Variants in ADGRA3 observed in about 807,000 individuals in gnomAD.
ADGRA3 encodes the protein adhesion G protein-coupled receptor A3.
In ADGRA3, 56 loss-of-function variants were observed where a neutral mutation model predicts 119.8. The observed-to-expected ratio is 0.47, with a 90% CI of 0.38 to 0.58. ADGRA3 has a LOEUF of 0.58. ADGRA3 is among the 20% of genes least tolerant of loss of function. ADGRA3 has a pLI of 0.00. For missense variants in ADGRA3, 1,516 were observed against 1,649.0 expected (o/e 0.92, Z 1.40); for synonymous variants, 607 against 623.8 (o/e 0.97, Z 0.40).
intron 1 of ADGRA3, among the ~76,000 whole-genome samples, chr4:22,506,411 G>C (rs1380255432): frequency 6.6e-6 from 1 of 152,110 alleles, no homozygotes; most frequent in Non-Finnish European, 1.5e-5. Context: ...AACTTAGCCA[G>C]GCATGGTGGT....
chr4:22,449,439 G>A (rs1263644847), intron 4 of ADGRA3, among the ~76,000 whole-genome samples: 1 of 152,110 alleles, frequency 6.6e-6, no homozygotes, highest in Non-Finnish European at 1.5e-5. Context: ...CTAAGACAGG[G>A]TAATGGGTAC....
chr4:22,458,577 G>A (rs1717324545), intron 3 of ADGRA3, among the ~76,000 whole-genome samples: 1 of 152,122 alleles, frequency 6.6e-6, no homozygotes, highest in African/African-American at 2.4e-5. Flanking sequence ...GGGCTCACAG[G>A]ATGAACTTCA....
intron 16 of ADGRA3, among the ~76,000 whole-genome samples, chr4:22,399,438 T>A (rs952809485): frequency 3.3e-5 from 5 of 152,150 alleles, no homozygotes; most frequent in African/African-American, 1.2e-4. Flanking sequence ...AACTTTTTTT[T>A]AAAGGGTTTT....
intron 14 of ADGRA3, among the ~76,000 whole-genome samples, chr4:22,406,437 C>G (rs528847393): frequency 4.6e-5 from 7 of 152,280 alleles, no homozygotes. Context: ...TACATTCCCA[C>G]CAACAATGTA....
chr4:22,435,438 G>A lies in ADGRA3; in HGVS notation c.1316C>T (p.Ala439Val). 1 of 1,605,252 alleles carries A rather than the reference G, an allele frequency of 6.2e-7. No individual in the cohort carries two copies. The highest frequency in any genetic ancestry group is 8.5e-7 in the Non-Finnish European group (1 of 1,173,446). ...QMPLNLTNAV[A>V]TARQLLAYTV... ...GTAAGCCAGTAACTGTCGAGCTGTT[G>A]CCACGGCATTGGTAAGATTGAGGGG... The change falls in exon 10 of 19, where the codon GCA (alanine) becomes GTA (valine). Residue 439 changes from alanine (A) to valine (V), a missense_variant. Ala to Val is a moderately conservative substitution (Grantham distance 64). This residue lies in a region of ADGRA3 where 1,088 missense variants were observed against 1,107.1 expected (regional missense o/e 0.98). Coordinates refer to ENST00000334304, the MANE Select transcript of ADGRA3 (RefSeq NM_145290.4).
At chr4:22,402,648 T>C (rs1714714309) in intron 15 of ADGRA3, 27 bp downstream of exon 15, 1 of 1,602,014 alleles carries the variant, frequency 6.2e-7, no homozygotes, top group East Asian at 2.2e-5. Context: ...AGTCCGCAGA[T>C]CTATTTTGTC....
chr4:22,479,930 G>C (rs1231859531), intron 1 of ADGRA3, among the ~76,000 whole-genome samples: 1 of 152,120 alleles, frequency 6.6e-6, no homozygotes, highest in African/African-American at 2.4e-5. Flanking sequence ...TCACTTATAA[G>C]TGGGAGTTGA....
rs573484049 is a variant in ADGRA3, at chr4:22,425,706, G to A, written c.1444-1354C>T. On this transcript the variant is annotated intron_variant, in intron 10 of 18. Coordinates refer to ENST00000334304, the MANE Select transcript of ADGRA3 (RefSeq NM_145290.4). The stretch of plus-strand genomic sequence containing the variant: ...CTTTTGATCATCCCAGAAGATCTCC[G>A]CTGAGATTTCAATCCCGTTTTGTAT... 1.5e-4 allele frequency among the ~76,000 whole-genome samples: 23 copies of A among 152,240 alleles called. No individual in the cohort carries two copies. The South Asian group carries it at 4.6e-3, about 30-fold the overall frequency.
chr4:22,417,411 T>TA (rs1241249859), intron 12 of ADGRA3, among the ~76,000 whole-genome samples: 1 of 149,158 alleles, frequency 6.7e-6, no homozygotes, highest in Non-Finnish European at 1.5e-5. Flanking sequence ...AGCTAATACT[T>TA]ACTGAGTGCT....
intron 15 of ADGRA3, 110 bp from the exon 16 acceptor site, chr4:22,401,664 A>T: frequency 1.4e-6 from 1 of 694,674 alleles, no homozygotes. Flanking sequence ...AATATTTGAT[A>T]TTTAAACATT....
At chr4:22,448,088 C>T (rs186615249) in intron 4 of ADGRA3, among the ~76,000 whole-genome samples, 3 of 152,220 alleles carry the variant, frequency 2.0e-5, no homozygotes, top group East Asian at 1.9e-4. Flanking sequence ...CAATACATAA[C>T]CTGAGTCTCG....
intron 14 of ADGRA3, among the ~76,000 whole-genome samples, chr4:22,410,144 TAATG>T (rs1715134425): frequency 6.6e-6 from 1 of 151,922 alleles, no homozygotes; most frequent in African/African-American, 2.4e-5. Context: ...AAAAGAAAAT[TAATG>T]AATGCTCTCT....
At chr4:22,398,804 G>A (rs939240668) in intron 16 of ADGRA3, among the ~76,000 whole-genome samples, 4 of 152,098 alleles carry the variant, frequency 2.6e-5, no homozygotes, top group Admixed American at 1.3e-4. Flanking sequence ...CATTTGGGTT[G>A]CTTCCAGGTT....
chr4:22,395,374 A>G (rs576698118), intron 16 of ADGRA3, among the ~76,000 whole-genome samples: 1 of 152,222 alleles, frequency 6.6e-6, no homozygotes, highest in South Asian at 2.1e-4. Flanking sequence ...AAGCATATAG[A>G]TGATGAATAT....
chr4:22,461,343 C>T (rs959473119), intron 3 of ADGRA3, among the ~76,000 whole-genome samples: 8 of 152,238 alleles, frequency 5.3e-5, no homozygotes, highest in African/African-American at 1.7e-4. Flanking sequence ...GACAGAGTCT[C>T]GCTCTGTCTT....
At chr4:22,448,568 A>G (rs927170946) in intron 4 of ADGRA3, among the ~76,000 whole-genome samples, 1 of 152,156 alleles carries the variant, frequency 6.6e-6, no homozygotes, top group Admixed American at 6.5e-5. Flanking sequence ...TGTGAGAGAG[A>G]GTGACCATTG....
intron 1 of ADGRA3, among the ~76,000 whole-genome samples, chr4:22,508,950 T>C (rs1034540128): frequency 4.6e-5 from 7 of 152,172 alleles, no homozygotes; most frequent in African/African-American, 1.7e-4. Flanking sequence ...AAATTCCCTC[T>C]TCGTCCCACC....
Position 22,442,821 on chromosome 4 carries a change from T to C in ADGRA3, c.749A>G (p.His250Arg), listed in dbSNP as rs148364573. The C allele has an allele frequency of 6.2e-7, 1 of 1,613,326 alleles. No homozygotes were observed. The highest frequency in any genetic ancestry group is 1.3e-5 in the African/African-American group (1 of 74,892). Residue 250 changes from histidine (H) to arginine (R), a missense_variant, in exon 7 of 19, where the codon CAT (histidine) becomes CGT (arginine). Coordinates refer to ENST00000334304, the MANE Select transcript of ADGRA3 (RefSeq NM_145290.4). ...GTCTCCTTCAAACACAACTTGGCGA[T>C]GAGATGGAGTCATGTAGAAAGACGG... ...ELPSFYMTPS[H>R]RQVVFEGDSL... is the part of the protein sequence containing the mutation.
At chr4:22,401,351 G>T (rs1271203734) in intron 16 of ADGRA3, 80 bp downstream of exon 16, 2 of 1,273,218 alleles carry the variant, frequency 1.6e-6, no homozygotes, top group East Asian at 2.5e-5. Context: ...ATTAAAGAAT[G>T]ATTTTTTCTT....
Sources: allele counts gnomAD v4.1 joint callset (sites outside exome capture counted in the v4.1 genomes callset), GRCh38; gene constraint gnomAD v4.1.1; regional missense constraint gnomAD v4.1.1; transcripts MANE v1.5; gene names NCBI Gene and HGNC (gene_info 2026-07-23, HGNC 2026-07-21).